Variants in NRXN3 observed in about 807,000 individuals in gnomAD.
NRXN3 encodes neurexin III.
In NRXN3, 32 loss-of-function variants were observed where a neutral mutation model predicts 137.6. The ratio of observed to expected loss-of-function variants is 0.23; its 90% confidence interval spans 0.18 to 0.31. NRXN3 has a LOEUF of 0.31. NRXN3 is among the 10% of genes least tolerant of loss of function. The probability of loss-of-function intolerance (pLI) is 1.00; values close to 1 mark genes in which losing one functional copy is unlikely to be tolerated. For synonymous variants in NRXN3, 798 were observed against 784.5 expected (o/e 1.02, Z -0.29); for missense variants, 1,574 against 2,062.5 (o/e 0.76, Z 4.59).
intron 16 of NRXN3, among the ~76,000 whole-genome samples, chr14:79,510,537 A>G (rs2096922671): frequency 6.6e-6 from 1 of 152,172 alleles, no homozygotes; most frequent in South Asian, 2.1e-4. Context: ...TGAGAAACTG[A>G]GGCCAGATAG....
intron 19 of NRXN3, among the ~76,000 whole-genome samples, chr14:79,698,757 TA>T (rs1218707655): frequency 1.3e-5 from 2 of 152,032 alleles, no homozygotes; most frequent in Non-Finnish European, 2.9e-5. Flanking sequence ...AACAATTACT[TA>T]CCCCTATCCT....
intron 19 of NRXN3, among the ~76,000 whole-genome samples, chr14:79,771,132 A>G (rs9743490): frequency 0.12 from 18,638 of 152,212 alleles, 1,334 homozygotes; most frequent in Middle Eastern, 0.22. Flanking sequence ...GGCAATAATC[A>G]ATAGCTTGCC....
chr14:79,799,559 A>T (rs968435668), intron 19 of NRXN3, among the ~76,000 whole-genome samples: 1 of 152,194 alleles, frequency 6.6e-6, no homozygotes, highest in Non-Finnish European at 1.5e-5. Flanking sequence ...TCACACTGTC[A>T]TTCTAGTCCA....
intron 4 of NRXN3, among the ~76,000 whole-genome samples, chr14:78,420,815 G>A (rs1362629173): frequency 2.0e-5 from 3 of 152,172 alleles, no homozygotes; most frequent in South Asian, 2.1e-4. Flanking sequence ...CTCTGACTTC[G>A]TTCCACTGCT....
At chr14:78,756,707 C>CAT (rs56209301) in intron 8 of NRXN3, among the ~76,000 whole-genome samples, 58,525 of 151,962 alleles carry the variant, frequency 0.39, 16,840 homozygotes, top group African/African-American at 0.81. Flanking sequence ...GGTTTGGAAA[C>CAT]AGCATTGAAG....
chr14:79,095,009 T>TGTGTGTGA (rs1448992309), intron 15 of NRXN3, among the ~76,000 whole-genome samples: 1 of 150,658 alleles, frequency 6.6e-6, no homozygotes, highest in African/African-American at 2.4e-5. Flanking sequence ...TGTGTGTGTG[T>TGTGTGTGA]GAAATGGGGA....
intron 10 of NRXN3, among the ~76,000 whole-genome samples, chr14:78,855,243 G>A (rs1270100170): frequency 1.3e-5 from 2 of 151,916 alleles, no homozygotes; most frequent in Non-Finnish European, 2.9e-5. Flanking sequence ...CAACGATAGA[G>A]TGACTTTTAT....
chr14:78,230,768 A>G (rs2065284657), intron 1 of NRXN3, among the ~76,000 whole-genome samples: 1 of 152,148 alleles, frequency 6.6e-6, no homozygotes, highest in Non-Finnish European at 1.5e-5. Context: ...GAGACTGGAA[A>G]GGTGGCTGGT....
At chr14:78,677,085 G>A (rs998885152) in intron 6 of NRXN3, among the ~76,000 whole-genome samples, 26 of 152,156 alleles carry the variant, frequency 1.7e-4, no homozygotes, top group Non-Finnish European at 3.2e-4. Flanking sequence ...TTTTATGCCT[G>A]CTAACACAAC....
chr14:79,591,828 A>C (rs758107314), intron 16 of NRXN3, among the ~76,000 whole-genome samples: 3 of 152,184 alleles, frequency 2.0e-5, no homozygotes, highest in Non-Finnish European at 4.4e-5. Context: ...TTTTTGCTTC[A>C]CAGTCATTTC....
intron 4 of NRXN3, among the ~76,000 whole-genome samples, chr14:78,481,731 A>G (rs1424295786): frequency 6.6e-6 from 1 of 152,216 alleles, no homozygotes; most frequent in Admixed American, 6.5e-5. Context: ...AATACTTTCT[A>G]TGGAGAAAAA....
At chr14:79,498,158 T>C (rs901065327) in intron 16 of NRXN3, among the ~76,000 whole-genome samples, 1 of 152,202 alleles carries the variant, frequency 6.6e-6, no homozygotes, top group Admixed American at 6.5e-5. Context: ...TTTCCTATAA[T>C]GAGCATGCGT....
chr14:79,746,278 T>C (rs1481614610), intron 19 of NRXN3, among the ~76,000 whole-genome samples: 1 of 152,150 alleles, frequency 6.6e-6, no homozygotes, highest in East Asian at 1.9e-4. Flanking sequence ...GGGACATGCC[T>C]AGAAATCTGC....
intron 15 of NRXN3, among the ~76,000 whole-genome samples, chr14:79,243,424 C>CT (rs879335592): frequency 5.3e-5 from 8 of 152,052 alleles, no homozygotes; most frequent in South Asian, 2.1e-4. Flanking sequence ...TAAAAGGAAT[C>CT]TTTTTTTTGA....
At chr14:78,207,999 C>A (rs2062377881) in intron 1 of NRXN3, among the ~76,000 whole-genome samples, 1 of 152,162 alleles carries the variant, frequency 6.6e-6, no homozygotes, top group African/African-American at 2.4e-5. Context: ...AGCCTGGACT[C>A]TGGAGTCAGA....
chr14:79,303,399 C>T (rs970379878), intron 15 of NRXN3, among the ~76,000 whole-genome samples: 1 of 152,032 alleles, frequency 6.6e-6, no homozygotes, highest in Admixed American at 6.6e-5. Context: ...CTTATCTGGC[C>T]ACTTTTTCTG....
chr14:78,196,101 T>C (rs551135527), intron 1 of NRXN3, among the ~76,000 whole-genome samples: 2 of 152,204 alleles, frequency 1.3e-5, no homozygotes, highest in Non-Finnish European at 2.9e-5. Context: ...TTTAGAGTTG[T>C]GGGAGTTTGA....
chr14:79,186,878 T>A (rs2063601386), intron 15 of NRXN3, among the ~76,000 whole-genome samples: 1 of 152,200 alleles, frequency 6.6e-6, no homozygotes, highest in Non-Finnish European at 1.5e-5. Context: ...CAACAACATT[T>A]ATATAGAGGC....
chr14:79,516,422 A>T (rs1355233678), intron 16 of NRXN3, among the ~76,000 whole-genome samples: 3 of 152,164 alleles, frequency 2.0e-5, no homozygotes, highest in Non-Finnish European at 2.9e-5. Context: ...TGGCTGCTCA[A>T]CTAGCAGGAG....
Sources: allele counts gnomAD v4.1 joint callset (sites outside exome capture counted in the v4.1 genomes callset), GRCh38; gene constraint gnomAD v4.1.1; transcripts MANE v1.5; gene names NCBI Gene and HGNC (gene_info 2026-07-23, HGNC 2026-07-21).